Variants in ARFGEF2 observed in about 807,000 individuals in gnomAD.
ARFGEF2 encodes the protein ARF guanine nucleotide exchange factor 2, also known as brefeldin A-inhibited guanine nucleotide-exchange protein 2.
A neutral mutation model predicts 219.9 loss-of-function variants in ARFGEF2; 74 were observed. The observed-to-expected ratio is 0.34, with a 90% CI of 0.28 to 0.41. ARFGEF2 has a LOEUF of 0.41. Among genes scored for constraint, ARFGEF2 ranks in the 10% least tolerant of loss-of-function variants. The probability of loss-of-function intolerance (pLI) is 1.00; values close to 1 mark genes in which losing one functional copy is unlikely to be tolerated. For synonymous variants in ARFGEF2, 733 were observed against 799.2 expected, an observed-to-expected ratio of 0.92 and a Z score of 1.40; for missense variants, 1,743 against 2,218.3, an observed-to-expected ratio of 0.79 and a Z score of 4.30.
Position 49,025,193 on chromosome 20 carries a change from A to G in ARFGEF2, c.4756-120A>G, listed in dbSNP as rs1486134000. The G allele has an allele frequency of 1.3e-5, 13 of 1,006,236 alleles. No individual in the cohort carries two copies. The Admixed American group carries it at 1.4e-4, about 11-fold the overall frequency. 62.3% of individuals were successfully genotyped at this position (1,006,236 alleles called of 1,614,324 possible). A position where few individuals can be genotyped will look rare whatever the true frequency, so the allele number is the denominator to read the frequency against. The stretch of plus-strand genomic sequence containing the variant: ...AAATGTTTCAGGGTGTTGGGGAATA[A>G]GTGTGTCTTATAGACAGGGATGACT... On this transcript the variant is annotated intron_variant, in intron 35 of 38. Coordinates refer to ENST00000371917, the MANE Select transcript of ARFGEF2 (RefSeq NM_006420.3).
intron 34 of ARFGEF2, among the ~76,000 whole-genome samples, chr20:49,022,153 TCA>T (rs2091568980): frequency 2.1e-5 from 1 of 46,854 alleles, no homozygotes; most frequent in Non-Finnish European, 3.2e-5. Context: ...AGACTCCGTC[TCA>T]AAAAAAAAAA....
chr20:48,992,472 TA>T (rs2091362549), intron 21 of ARFGEF2, among the ~76,000 whole-genome samples: 1 of 152,116 alleles, frequency 6.6e-6, no homozygotes, highest in Non-Finnish European at 1.5e-5. Context: ...AGATTCAGAG[TA>T]AAGGCTCTAG....
intron 35 of ARFGEF2, 84 bp from the exon 36 acceptor site, chr20:49,025,229 C>G (rs777201558): frequency 2.8e-6 from 4 of 1,432,596 alleles, no homozygotes; most frequent in Non-Finnish European, 3.8e-6. Flanking sequence ...TTTGGAGAGT[C>G]ATGACTGCCG....
intron 22 of ARFGEF2, 114 bp from the exon 23 acceptor site, chr20:48,995,669 G>A: frequency 1.1e-6 from 1 of 935,208 alleles, no homozygotes. Context: ...TTTTGAACTT[G>A]CAGAGTCATT....
intron 14 of ARFGEF2, among the ~76,000 whole-genome samples, chr20:48,983,427 C>T (rs1028423485): frequency 1.3e-5 from 2 of 152,216 alleles, no homozygotes; most frequent in African/African-American, 2.4e-5. Flanking sequence ...TTGATCTTCT[C>T]ATTTCTACTG....
intron 6 of ARFGEF2, among the ~76,000 whole-genome samples, chr20:48,959,373 A>C (rs2091124420): frequency 2.2e-5 from 3 of 138,912 alleles, no homozygotes; most frequent in Non-Finnish European, 4.7e-5. Context: ...AAGAGGTGAG[A>C]TGTCATGATA....
At position 49,018,931 on chromosome 20, in the gene ARFGEF2, C is replaced by T. The variant is rs797045258; in HGVS notation, c.4557C>T (p.Pro1519=). 2.5e-6 allele frequency: 4 copies of T among 1,613,922 alleles called. No individual in the cohort carries two copies. The highest frequency in any genetic ancestry group is 2.7e-5 in the African/African-American group (2 of 74,924). Residue 1519 remains proline (P), a synonymous_variant, in exon 34 of 39, where the codon CCC becomes CCT. Coordinates refer to ENST00000371917, the MANE Select transcript of ARFGEF2 (RefSeq NM_006420.3). ...RQSLSSIDKN[P]SERGQSQLSN... Reference sequence around the variant, plus strand: ...CTTTAAGCAGCATAGATAAAAATCCCTCTGAGAGGGGACAGAGCCAGCTCT... The same window carrying T: ...CTTTAAGCAGCATAGATAAAAATCCTTCTGAGAGGGGACAGAGCCAGCTCT...
At chr20:48,993,657 C>T (rs2091369569) in intron 21 of ARFGEF2, among the ~76,000 whole-genome samples, 1 of 152,112 alleles carries the variant, frequency 6.6e-6, no homozygotes, top group Non-Finnish European at 1.5e-5. Flanking sequence ...GCCAGTGTTT[C>T]CTCTGACAGA....
intron 27 of ARFGEF2, 61 bp from the exon 28 acceptor site, chr20:49,011,863 A>AT: frequency 1.3e-6 from 2 of 1,596,692 alleles, no homozygotes; most frequent in Non-Finnish European, 1.7e-6. Context: ...ACGCACGTGC[A>AT]TTTTTTCATC....
intron 3 of ARFGEF2, among the ~76,000 whole-genome samples, chr20:48,950,864 A>G (rs1245240454): frequency 1.4e-5 from 2 of 140,604 alleles, no homozygotes; most frequent in South Asian, 2.3e-4. Flanking sequence ...ATATACATGC[A>G]CACACACACA....
rs887645589 is a variant in ARFGEF2, at chr20:49,011,826, GATGT to G, written c.3758-93_3758-90del. On this transcript the variant is annotated intron_variant, in intron 27 of 38. Coordinates refer to ENST00000371917, the MANE Select transcript of ARFGEF2 (RefSeq NM_006420.3). Reference sequence around the variant, plus strand: ...TAGATTTTCACAGTTAATTATCTCTGATGTATGTGTGTGTGTGTGTGTGTGCACG... The same window carrying G: ...TAGATTTTCACAGTTAATTATCTCTGATGTGTGTGTGTGTGTGTGTGCACG... 29 of 1,270,566 alleles carry G rather than the reference GATGT, an allele frequency of 2.3e-5. No homozygotes were observed. In the Middle Eastern group the frequency reaches 5.5e-4, roughly 24 times the overall value. 78.7% of individuals were successfully genotyped at this position (1,270,566 alleles called of 1,614,324 possible).
At position 48,995,890 on chromosome 20, in the gene ARFGEF2, T is replaced by C. The variant is rs753016926; in HGVS notation, c.3221+8T>C. On this transcript the variant is annotated splice_region_variant and intron_variant, in intron 23 of 38. Transcript: ENST00000371917. ...GGTTGTAGCTGTGGACAGGTAATGA[T>C]TTTATTCTTCAGTGACCCTGAACTA... The C allele has an allele frequency of 1.2e-6, 2 of 1,613,512 alleles. No homozygotes were observed. The highest frequency in any genetic ancestry group is 3.3e-5 in the Admixed American group (2 of 60,012).
intron 8 of ARFGEF2, 91 bp from the exon 9 acceptor site, chr20:48,969,051 CCTCGG>C: frequency 7.5e-7 from 1 of 1,326,966 alleles, no homozygotes; most frequent in South Asian, 1.2e-5. Context: ...GCCTTGACCT[CCTCGG>C]CTCAGTGGAT....
chr20:48,992,060 T>A (rs1411793617), intron 21 of ARFGEF2, among the ~76,000 whole-genome samples: 1 of 151,776 alleles, frequency 6.6e-6, no homozygotes, highest in Admixed American at 6.6e-5. Context: ...AGCAAAAAAA[T>A]TGCAAGAAAA....
chr20:49,016,575 C>T (rs953751355), intron 31 of ARFGEF2, among the ~76,000 whole-genome samples, 160 bp downstream of exon 31: 1 of 151,904 alleles, frequency 6.6e-6, no homozygotes, highest in Admixed American at 6.6e-5. Context: ...AAACAGTGCC[C>T]CCCCCAAGTC....
intron 1 of ARFGEF2, among the ~76,000 whole-genome samples, chr20:48,927,652 C>T (rs543306643): frequency 6.6e-6 from 1 of 151,008 alleles, no homozygotes; most frequent in East Asian, 1.9e-4. Context: ...GGCGCCACTG[C>T]ACTCCAGCCT....
chr20:48,990,283 T>C (rs1314561038), intron 20 of ARFGEF2, among the ~76,000 whole-genome samples: 1 of 152,196 alleles, frequency 6.6e-6, no homozygotes, highest in African/African-American at 2.4e-5. Flanking sequence ...CTTTGGTGCT[T>C]AAAAATACTA....
At chr20:49,029,595 A>T (rs1358216386) in intron 37 of ARFGEF2, among the ~76,000 whole-genome samples, 2 of 147,070 alleles carry the variant, frequency 1.4e-5, no homozygotes, top group African/African-American at 2.5e-5. Context: ...TTAAAAGTGA[A>T]TTTTTTTTTT....
Position 49,005,120 on chromosome 20 carries a change from A to G in ARFGEF2, c.3483A>G (p.Leu1161=), listed in dbSNP as rs1229072884. The G allele has an allele frequency of 3.1e-6, 5 of 1,614,064 alleles. No individual in the cohort carries two copies. The highest frequency in any genetic ancestry group is 4.2e-6 in the Non-Finnish European group (5 of 1,180,036). Residue 1161 remains leucine (L), a synonymous_variant, in exon 26 of 39, where the codon TTA becomes TTG. Coordinates refer to ENST00000371917, the MANE Select transcript of ARFGEF2 (RefSeq NM_006420.3). ...TGGCTATCTTTGCTGTTGACTCATT[A>G]AGGCAACTCTCCATGAAGTTTCTTG... ...EDVAIFAVDS[L]RQLSMKFLEK...
Sources: gnomAD v4.1 joint callset for allele counts (sites outside exome capture counted in the v4.1 genomes callset) on GRCh38, gnomAD v4.1.1 for gene constraint, MANE v1.5 for transcripts, NCBI Gene and HGNC (gene_info 2026-07-23, HGNC 2026-07-21) for gene names.